The following CDC73 variants were observed in gnomAD, a reference collection of about 807,000 sequenced individuals.
CDC73 encodes the protein parafibromin.
In CDC73, 21 loss-of-function variants were observed where a neutral mutation model predicts 83.7. That is an observed-to-expected ratio of 0.25 (90% CI 0.18 to 0.36). The LOEUF (loss-of-function observed/expected upper bound fraction) is 0.36. CDC73 is among the 10% of genes least tolerant of loss of function. The pLI is 1.00. For synonymous variants in CDC73, 224 were observed against 212.9 expected (o/e 1.05, Z -0.45); for missense variants, 342 against 653.3 (o/e 0.52, Z 5.19).
intron 5 of CDC73, 86 bp downstream of exon 5, chr1:193,135,675 A>G: frequency 9.2e-7 from 1 of 1,085,928 alleles, no homozygotes; most frequent in Non-Finnish European, 1.4e-6. Flanking sequence ...TGATTGCAGT[A>G]ACCTGAGGAG....
intron 15 of CDC73, among the ~76,000 whole-genome samples, chr1:193,236,621 A>G (rs531604502): frequency 6.6e-6 from 1 of 152,266 alleles, no homozygotes; most frequent in South Asian, 2.1e-4. Context: ...TTGGCCAGAC[A>G]CAGTGGCTCA....
At chr1:193,201,177 CA>C (rs1185010731) in intron 10 of CDC73, among the ~76,000 whole-genome samples, 1 of 151,972 alleles carries the variant, frequency 6.6e-6, no homozygotes, top group Admixed American at 6.6e-5. Context: ...CTTGAGAAGA[CA>C]AAATTAGGTA....
chr1:193,162,842 G>C lies in CDC73; in HGVS notation c.972+10398G>C, dbSNP rs1572168674. Among the ~76,000 whole-genome samples the C allele has an allele frequency of 4.6e-5, 7 of 152,046 alleles. 1 individual carries two copies. The South Asian group carries it at 1.5e-3, about 32-fold the overall frequency. ...TTTTGTCATTTCTGTCTTATGTGTG[G>C]TGCCATAAATATTCTGGAATTGAAT... On this transcript the variant is annotated intron_variant, in intron 10 of 16. Transcript: ENST00000367435.
chr1:193,208,969 CT>C (rs148281956), intron 11 of CDC73, among the ~76,000 whole-genome samples: 3,219 of 152,282 alleles, frequency 0.021, 108 homozygotes, highest in African/African-American at 0.074. Flanking sequence ...CTAAAGGACA[CT>C]TTTCTGCCAG....
chr1:193,225,244 TGATATA>T (rs1391950420), intron 13 of CDC73, among the ~76,000 whole-genome samples: 8 of 45,804 alleles, frequency 1.7e-4, no homozygotes, highest in East Asian at 7.2e-4. Context: ...TAGTATTCCA[TGATATA>T]TATATATATA....
rs1238773294 is a variant in CDC73, at chr1:193,122,236, C to T, written c.36C>T (p.Asn12=). The change falls in exon 1 of 17, where the codon AAC becomes AAT. Residue 12 remains asparagine (N), a synonymous_variant. Coordinates refer to ENST00000367435, the MANE Select transcript of CDC73 (RefSeq NM_024529.5). ...ADVLSVLRQY[N]IQKKEIVVKG... is the part of the protein sequence containing the mutation. ...TGCTTAGCGTCCTGCGACAGTACAA[C>T]ATCCAGAAGAAGGAGATTGTGGTGA... 1.2e-6 allele frequency: 2 copies of T among 1,614,030 alleles called. No individual in the cohort carries two copies. The highest frequency in any genetic ancestry group is 1.7e-6 in the Non-Finnish European group (2 of 1,179,996).
At chr1:193,144,871 CTGATAG>C (rs1675969218) in intron 7 of CDC73, among the ~76,000 whole-genome samples, 1 of 148,810 alleles carries the variant, frequency 6.7e-6, no homozygotes, top group African/African-American at 2.5e-5. Flanking sequence ...AGGAAAGCAA[CTGATAG>C]TATTTGTTGC....
intron 15 of CDC73, among the ~76,000 whole-genome samples, chr1:193,247,494 A>G (rs1572224791): frequency 6.6e-6 from 1 of 152,120 alleles, no homozygotes; most frequent in Admixed American, 6.6e-5. Context: ...TGAAAGGAAG[A>G]GTTGCACATC....
chr1:193,181,928 C>T (rs1249688040), intron 10 of CDC73, among the ~76,000 whole-genome samples: 1 of 152,126 alleles, frequency 6.6e-6, no homozygotes, highest in African/African-American at 2.4e-5. Context: ...TGTCTTGTTA[C>T]ACTGGTCATT....
At chr1:193,200,337 C>T (rs534832371) in intron 10 of CDC73, among the ~76,000 whole-genome samples, 10 of 152,194 alleles carry the variant, frequency 6.6e-5, no homozygotes, top group African/African-American at 2.4e-5. Context: ...TTATATATTA[C>T]GATATCTGTT....
Position 193,130,346 on chromosome 1 carries a change from A to T in CDC73, c.307+103A>T, listed in dbSNP as rs1279429179. 8 of 806,964 alleles carry T rather than the reference A, an allele frequency of 9.9e-6. No homozygotes were observed. In the East Asian group the frequency reaches 2.0e-4, roughly 20 times the overall value. 50.0% of individuals were successfully genotyped at this position (806,964 alleles called of 1,614,324 possible). On this transcript the variant is annotated intron_variant, in intron 3 of 16. Transcript: ENST00000367435. The stretch of plus-strand genomic sequence containing the variant: ...AAGAGAATTTGTATTTCCACCAAAA[A>T]ATTAACCTACCTTCATTTTTGTCCA...
intron 2 of CDC73, among the ~76,000 whole-genome samples, chr1:193,127,034 T>C (rs1191865951): frequency 6.6e-6 from 1 of 151,842 alleles, no homozygotes; most frequent in Non-Finnish European, 1.5e-5. Context: ...GAGGCTGAGC[T>C]CAAGTGGGAG....
In CDC73 at chr1:193,249,889, A is replaced by C. The variant is rs988361827; in HGVS notation, c.1559+18A>C. 1 of 1,610,634 alleles carries C rather than the reference A, an allele frequency of 6.2e-7. No individual in the cohort carries two copies. The highest frequency in any genetic ancestry group is 1.7e-5 in the Admixed American group (1 of 59,904). On this transcript the variant is annotated intron_variant, in intron 16 of 16. Transcript: ENST00000367435. ...TTGGACAGGTAATTCCGATTCTAAA[A>C]TATGCTTGTGTGTGTTTTATTGTAA... is the stretch of plus-strand genomic sequence containing the variant.
At position 193,135,411 on chromosome 1, in the gene CDC73, A is replaced by C. The variant is rs2103121465; in HGVS notation, c.328A>C (p.Arg110=). 1 of 1,613,684 alleles carries C rather than the reference A, an allele frequency of 6.2e-7. No individual in the cohort carries two copies. ...GEASTSASID[R]SAPLEIGLQR... is the part of the protein sequence containing the mutation. ...TTCAGCAACATCGGCAAGTATAGAC[A>C]GAAGCGCTCCCTTAGAAATAGGTCT... is the stretch of plus-strand genomic sequence containing the variant. Residue 110 remains arginine, a synonymous_variant, in exon 4 of 17, where the codon AGA becomes CGA. Coordinates refer to ENST00000367435, the MANE Select transcript of CDC73 (RefSeq NM_024529.5).
chr1:193,251,453 G>A lies in CDC73; in HGVS notation c.*741G>A, dbSNP rs1168378675. ...ATAGGCTGTAGTATTTTTTATTTTGGGAGCCAGAGTATGATTTGGGGGAAG... is the reference window on the plus strand; with the variant it reads ...ATAGGCTGTAGTATTTTTTATTTTGAGAGCCAGAGTATGATTTGGGGGAAG... On this transcript the variant is annotated 3_prime_UTR_variant, in exon 17 of 17. Coordinates refer to ENST00000367435, the MANE Select transcript of CDC73 (RefSeq NM_024529.5). 4.3e-6 allele frequency: 1 copy of A among 231,660 alleles called. No individual in the cohort carries two copies. The highest frequency in any genetic ancestry group is 8.6e-6 in the Non-Finnish European group (1 of 116,922). 14.4% of individuals were successfully genotyped at this position (231,660 alleles called of 1,614,324 possible). A position where few individuals can be genotyped will look rare whatever the true frequency, so the allele number is the denominator to read the frequency against.
intron 10 of CDC73, among the ~76,000 whole-genome samples, chr1:193,160,225 C>G (rs992177355): frequency 2.0e-5 from 3 of 152,066 alleles, no homozygotes; most frequent in Non-Finnish European, 4.4e-5. Context: ...GTTAATGCCA[C>G]AATCACAAAA....
chr1:193,169,799 C>CT (rs1007715967), intron 10 of CDC73, among the ~76,000 whole-genome samples: 39 of 148,132 alleles, frequency 2.6e-4, no homozygotes, highest in Admixed American at 4.7e-4. Flanking sequence ...AATTTTATTT[C>CT]TTTTTTTTTT....
intron 10 of CDC73, chr1:193,179,135 G>A (rs1339008949): frequency 6.6e-6 from 1 of 152,100 alleles, no homozygotes; most frequent in Non-Finnish European, 1.5e-5. Context: ...TCAAACGTTT[G>A]TAGTTTTCCC....
rs1430908667 is a variant in CDC73 at position 193,254,288 on chromosome 1, A to G, written c.*3576A>G. Among the ~76,000 whole-genome samples, 3 of 152,098 alleles carry G rather than the reference A, an allele frequency of 2.0e-5. No individual in the cohort carries two copies. The highest frequency in any genetic ancestry group is 7.2e-5 in the African/African-American group (3 of 41,464). ...ATAAGAACTATAGAAATTTGTTCTC[A>G]GCTGAAAAGTTGGCAGCTGCTCTGT... is the stretch of plus-strand genomic sequence containing the variant. On this transcript the variant is annotated 3_prime_UTR_variant, in exon 17 of 17. Coordinates refer to ENST00000367435, the MANE Select transcript of CDC73 (RefSeq NM_024529.5).
Sources: allele counts gnomAD v4.1 joint callset (sites outside exome capture counted in the v4.1 genomes callset), GRCh38; gene constraint gnomAD v4.1.1; transcripts MANE v1.5; gene names NCBI Gene and HGNC (gene_info 2026-07-23, HGNC 2026-07-21).